Variants in ASIC2 observed in about 807,000 individuals in gnomAD.
The protein encoded by ASIC2 is acid sensing ion channel subunit 2.
In ASIC2, 25 loss-of-function variants were observed where a neutral mutation model predicts 57.3. The ratio of observed to expected loss-of-function variants is 0.44; its 90% CI spans 0.32 to 0.61. The LOEUF is 0.61. Among genes scored for constraint, ASIC2 ranks in the 20% least tolerant of loss-of-function variants. ASIC2 has a pLI of 0.06. For missense variants in ASIC2, 641 were observed against 738.1 expected (o/e 0.87, Z 1.52); for synonymous variants, 319 against 307.5 (o/e 1.04, Z -0.39).
intron 1 of ASIC2, among the ~76,000 whole-genome samples, chr17:33,741,521 C>G (rs1212373331): frequency 6.6e-6 from 1 of 152,172 alleles, no homozygotes; most frequent in African/African-American, 2.4e-5. Flanking sequence ...ATTCAAAACT[C>G]AACACCCTGG....
chr17:33,901,414 G>A (rs1432431679), intron 1 of ASIC2, among the ~76,000 whole-genome samples: 1 of 152,094 alleles, frequency 6.6e-6, no homozygotes, highest in Non-Finnish European at 1.5e-5. Context: ...AGGTGAGCGG[G>A]GCTCAGGTTA....
intron 1 of ASIC2, among the ~76,000 whole-genome samples, chr17:33,197,789 C>T (rs1393639095): frequency 6.6e-6 from 1 of 152,166 alleles, no homozygotes; most frequent in Non-Finnish European, 1.5e-5. Context: ...TCTGGGATTC[C>T]TAAGAGTTGC....
chr17:33,564,088 C>G (rs552520973), intron 1 of ASIC2, among the ~76,000 whole-genome samples: 1 of 152,306 alleles, frequency 6.6e-6, no homozygotes, highest in African/African-American at 2.4e-5. Context: ...GGCAGCCCCC[C>G]TGAGGAGGTG....
intron 1 of ASIC2, among the ~76,000 whole-genome samples, chr17:33,966,293 C>T (rs1447698111): frequency 6.6e-6 from 1 of 152,162 alleles, no homozygotes; most frequent in African/African-American, 2.4e-5. Flanking sequence ...TGGAAGGAGG[C>T]AGGCGTGAGT....
At chr17:33,204,319 C>G (rs1906982346) in intron 1 of ASIC2, among the ~76,000 whole-genome samples, 1 of 152,212 alleles carries the variant, frequency 6.6e-6, no homozygotes, top group African/African-American at 2.4e-5. Flanking sequence ...CAGGCTCAGC[C>G]CATGTCCAGC....
intron 3 of ASIC2, among the ~76,000 whole-genome samples, chr17:33,046,464 G>C (rs2091955358): frequency 6.6e-6 from 1 of 152,182 alleles, no homozygotes; most frequent in South Asian, 2.1e-4. Context: ...ATGAAGGAGT[G>C]TCTCTTGTCC....
At chr17:33,263,822 C>T (rs971901329) in intron 1 of ASIC2, among the ~76,000 whole-genome samples, 3 of 152,226 alleles carry the variant, frequency 2.0e-5, no homozygotes, top group Non-Finnish European at 4.4e-5. Context: ...GCATGGTGCC[C>T]GGTTCCTCTC....
intron 1 of ASIC2, among the ~76,000 whole-genome samples, chr17:33,172,016 C>T (rs1239016137): frequency 6.6e-6 from 1 of 152,206 alleles, no homozygotes; most frequent in Non-Finnish European, 1.5e-5. Flanking sequence ...GTCAGAACTG[C>T]GATGCTTATT....
At chr17:33,291,101 G>A in intron 1 of ASIC2, 1 of 408,728 alleles carries the variant, frequency 2.4e-6, no homozygotes, top group Non-Finnish European at 4.2e-6. Flanking sequence ...GAAGAAGGAG[G>A]CTGACTAATA....
chr17:33,706,207 AT>A (rs1461746436), intron 1 of ASIC2, among the ~76,000 whole-genome samples: 2 of 3,804 alleles, frequency 5.3e-4, no homozygotes, highest in African/African-American at 0.01. Context: ...TATGATTCAT[AT>A]ATATATATAT....
chr17:33,825,969 T>C (rs1912894990), intron 1 of ASIC2, among the ~76,000 whole-genome samples: 1 of 152,240 alleles, frequency 6.6e-6, no homozygotes, highest in Non-Finnish European at 1.5e-5. Context: ...CATTCATGAT[T>C]GAGGCAATTT....
chr17:33,254,905 G>A (rs1909007106), intron 1 of ASIC2, among the ~76,000 whole-genome samples: 3 of 151,864 alleles, frequency 2.0e-5, no homozygotes, highest in Admixed American at 1.3e-4. Flanking sequence ...CATGCTAATA[G>A]TGGTTACCAC....
chr17:34,076,929 G>A (rs898199267), intron 1 of ASIC2, among the ~76,000 whole-genome samples: 2 of 152,196 alleles, frequency 1.3e-5, no homozygotes, highest in African/African-American at 2.4e-5. Context: ...GTGGCTTAGC[G>A]CAACACAAGA....
At chr17:33,123,959 A>C (rs574112317) in intron 1 of ASIC2, among the ~76,000 whole-genome samples, 42 of 152,270 alleles carry the variant, frequency 2.8e-4, no homozygotes, top group Non-Finnish European at 4.8e-4. Context: ...GCGATGCACC[A>C]GTGGAAACCA....
chr17:33,878,296 G>A (rs1914605677), intron 1 of ASIC2, among the ~76,000 whole-genome samples: 1 of 152,138 alleles, frequency 6.6e-6, no homozygotes, highest in South Asian at 2.1e-4. Flanking sequence ...GGCTTCAGAT[G>A]ATCAAACTAC....
rs1222556444 is a variant in ASIC2 at position 33,991,060 on chromosome 17, G to A, written c.555+164918C>T. The stretch of plus-strand genomic sequence containing the variant: ...ACTCAAACAGCTTCTAAACCACATG[G>A]GTTGTAGATGAAGTAGTTAACTAGG... On this transcript the variant is annotated intron_variant, in intron 1 of 9. Coordinates refer to the ASIC2 transcript ENST00000359872. 2.6e-5 allele frequency among the ~76,000 whole-genome samples: 4 copies of A among 152,124 alleles called. No homozygotes were observed. In the East Asian group the frequency reaches 7.7e-4, roughly 29 times the overall value.
intron 1 of ASIC2, among the ~76,000 whole-genome samples, chr17:33,273,075 G>T (rs1597660846): frequency 6.6e-6 from 1 of 152,136 alleles, no homozygotes; most frequent in East Asian, 1.9e-4. Flanking sequence ...TTTCATTCTG[G>T]CAATGTAGGA....
intron 1 of ASIC2, among the ~76,000 whole-genome samples, chr17:33,610,054 GCACACACA>G (rs57533251): frequency 2.8e-5 from 4 of 144,736 alleles, no homozygotes; most frequent in Admixed American, 6.9e-5. Context: ...GGACAGAGGC[GCACACACA>G]CACACACACA....
At chr17:33,640,507 C>T (rs1467755249) in intron 1 of ASIC2, among the ~76,000 whole-genome samples, 4 of 152,288 alleles carry the variant, frequency 2.6e-5, no homozygotes, top group African/African-American at 7.2e-5. Flanking sequence ...GGACTGTGAA[C>T]GGCATAGGGT....
Sources: allele counts gnomAD v4.1 joint callset (sites outside exome capture counted in the v4.1 genomes callset), GRCh38; gene constraint gnomAD v4.1.1; transcripts MANE v1.5; gene names NCBI Gene and HGNC (gene_info 2026-07-23, HGNC 2026-07-21).